The following SOX6 variants were observed in gnomAD, a reference collection of about 807,000 sequenced individuals.
The protein encoded by SOX6 is transcription factor SOX-6.
In SOX6, 11 loss-of-function variants were observed where a neutral mutation model predicts 97.8. The observed-to-expected ratio is 0.11, with a 90% CI of 0.07 to 0.19. The LOEUF is 0.19. SOX6 is among the 10% of genes least tolerant of loss of function. The pLI is 1.00. For missense variants in SOX6, 810 were observed against 1,039.5 expected (o/e 0.78, Z 3.04); for synonymous variants, 360 against 371.4 (o/e 0.97, Z 0.35).
intron 3 of SOX6, among the ~76,000 whole-genome samples, chr11:16,684,114 T>C (rs1847950271): frequency 6.6e-6 from 1 of 152,056 alleles, no homozygotes; most frequent in Non-Finnish European, 1.5e-5. Context: ...TGTGGAGAAA[T>C]AGGGAAGCTT....
At chr11:16,686,582 G>C (rs1165865665) in intron 3 of SOX6, among the ~76,000 whole-genome samples, 1 of 152,164 alleles carries the variant, frequency 6.6e-6, no homozygotes. Context: ...CAGCAGCCTG[G>C]ACTTCACTGT....
chr11:16,053,483 AC>A, intron 10 of SOX6, among the ~76,000 whole-genome samples: 1 of 152,230 alleles, frequency 6.6e-6, no homozygotes, highest in East Asian at 1.9e-4. Context: ...CACTACCATC[AC>A]TAACATTTAT....
intron 4 of SOX6, among the ~76,000 whole-genome samples, chr11:16,485,724 C>T (rs767383263): frequency 6.3e-5 from 9 of 143,890 alleles, no homozygotes; most frequent in Non-Finnish European, 1.1e-4. Context: ...GGGCAAGGCT[C>T]GGTCTCAAAA....
intron 4 of SOX6, among the ~76,000 whole-genome samples, chr11:16,519,110 T>C (rs969320952): frequency 6.6e-6 from 1 of 152,192 alleles, no homozygotes; most frequent in Non-Finnish European, 1.5e-5. Flanking sequence ...AGAAAGGCTA[T>C]TGATCCCCAC....
At chr11:16,473,576 G>T (rs1276387970) in intron 1 of SOX6, among the ~76,000 whole-genome samples, 16 of 145,248 alleles carry the variant, frequency 1.1e-4, no homozygotes, top group Non-Finnish European at 9.0e-5. Context: ...TTTTGAGATG[G>T]AATCTTGCTC....
At chr11:16,387,222 C>T (rs1858014798) in intron 1 of SOX6, among the ~76,000 whole-genome samples, 1 of 151,946 alleles carries the variant, frequency 6.6e-6, no homozygotes, top group African/African-American at 2.4e-5. Flanking sequence ...GTAACCTAAG[C>T]AAAAGAATAC....
chr11:16,142,696 T>C (rs1850177370), intron 6 of SOX6, among the ~76,000 whole-genome samples: 1 of 152,068 alleles, frequency 6.6e-6, no homozygotes, highest in Non-Finnish European at 1.5e-5. Context: ...GAGAACTACG[T>C]GACGAATGCC....
At chr11:16,042,762 GT>G (rs571484113) in intron 12 of SOX6, among the ~76,000 whole-genome samples, 698 of 152,270 alleles carry the variant, frequency 4.6e-3, no homozygotes, top group Middle Eastern at 0.017. Context: ...CAAGTAAAGT[GT>G]GATAATAGTG....
intron 10 of SOX6, among the ~76,000 whole-genome samples, chr11:16,053,539 T>G (rs1185222846): frequency 6.6e-6 from 1 of 152,136 alleles, no homozygotes; most frequent in East Asian, 1.9e-4. Flanking sequence ...AGACCTATAA[T>G]AATATTAACT....
At chr11:16,125,209 T>A (rs1374324391) in intron 6 of SOX6, among the ~76,000 whole-genome samples, 1 of 152,040 alleles carries the variant, frequency 6.6e-6, no homozygotes, top group African/African-American at 2.4e-5. Context: ...TCTATTTGGA[T>A]ACTGATACAT....
At chr11:16,547,134 A>G (rs939959417) in intron 4 of SOX6, among the ~76,000 whole-genome samples, 8 of 152,300 alleles carry the variant, frequency 5.3e-5, no homozygotes, top group African/African-American at 1.9e-4. Flanking sequence ...GAGGATGGAA[A>G]GAAAAGAGAA....
At chr11:16,538,962 G>C (rs1399688835) in intron 4 of SOX6, among the ~76,000 whole-genome samples, 2 of 152,154 alleles carry the variant, frequency 1.3e-5, no homozygotes, top group Non-Finnish European at 2.9e-5. Flanking sequence ...ACTCAGCTCT[G>C]CACCAAGTGG....
At chr11:16,590,794 C>A (rs1211585894) in intron 4 of SOX6, among the ~76,000 whole-genome samples, 1 of 151,358 alleles carries the variant, frequency 6.6e-6, no homozygotes. Context: ...ATGATGGTTA[C>A]CAGAGGCTGG....
rs190460577 is a variant in SOX6 at position 16,047,235 on chromosome 11, C to A, written c.1436-534G>T. Among the ~76,000 whole-genome samples the A allele has an allele frequency of 1.4e-3, 210 of 152,158 alleles. 1 individual carries two copies. Among genetic ancestry groups the A allele is most frequent in the African/African-American group, 4.7e-3 (196 of 41,518 alleles). ...TATCTGTGTGTTCATATGTCCACTGCAGGAAAGAGGGGGCGGAAGGAATTC... is the reference window on the plus strand; with the variant it reads ...TATCTGTGTGTTCATATGTCCACTGAAGGAAAGAGGGGGCGGAAGGAATTC... On this transcript the variant is annotated intron_variant, in intron 11 of 15. Transcript: ENST00000683767.
intron 1 of SOX6, among the ~76,000 whole-genome samples, chr11:16,386,594 T>C (rs921092125): frequency 6.6e-6 from 1 of 152,236 alleles, no homozygotes; most frequent in East Asian, 1.9e-4. Flanking sequence ...CTCTAAATCA[T>C]CTTCCCTGAT....
At chr11:16,536,089 C>T (rs1166043660) in intron 4 of SOX6, among the ~76,000 whole-genome samples, 1 of 152,182 alleles carries the variant, frequency 6.6e-6, no homozygotes, top group African/African-American at 2.4e-5. Flanking sequence ...TGTGAAAGCA[C>T]AACAGGTGGG....
chr11:16,200,833 C>G (rs1039279154), intron 4 of SOX6, among the ~76,000 whole-genome samples: 4 of 152,092 alleles, frequency 2.6e-5, no homozygotes, highest in Non-Finnish European at 5.9e-5. Context: ...AGGCTGGGCG[C>G]GATGGCTCCT....
At chr11:16,477,571 C>T (rs1049843015), upstream of SOX6, among the ~76,000 whole-genome samples, 1 of 152,266 alleles carries the variant, frequency 6.6e-6, no homozygotes, top group South Asian at 2.1e-4. Flanking sequence ...GATAATAGAG[C>T]CAGGTGCAGT....
At chr11:16,526,604 G>A (rs554691760) in intron 4 of SOX6, among the ~76,000 whole-genome samples, 130 of 151,760 alleles carry the variant, frequency 8.6e-4, no homozygotes, top group Non-Finnish European at 1.5e-3. Flanking sequence ...TGCACATTGT[G>A]CACATGTACC....
Sources: gnomAD v4.1 joint callset for allele counts (sites outside exome capture counted in the v4.1 genomes callset) on GRCh38, gnomAD v4.1.1 for gene constraint, MANE v1.5 for transcripts, NCBI Gene and HGNC (gene_info 2026-07-23, HGNC 2026-07-21) for gene names.